Variants in HTR7 observed in about 807,000 individuals in gnomAD.
The protein encoded by HTR7 is 5-HT-7.
Under a neutral mutation model 34.0 loss-of-function variants are expected in HTR7, and 16 were observed. That is an observed-to-expected ratio of 0.47 (90% CI 0.32 to 0.71). HTR7 has a LOEUF of 0.71. Among genes scored for constraint, HTR7 ranks in the 30% least tolerant of loss-of-function variants. The probability of loss-of-function intolerance (pLI) is 0.04; values close to 1 mark genes in which losing one functional copy is unlikely to be tolerated. For missense variants in HTR7, 504 were observed against 625.5 expected (o/e 0.81, Z 2.07); for synonymous variants, 265 against 260.2 (o/e 1.02, Z -0.18).
At chr10:90,780,061 A>T (rs188897270) in intron 1 of HTR7, among the ~76,000 whole-genome samples, 2 of 152,184 alleles carry the variant, frequency 1.3e-5, no homozygotes, top group Non-Finnish European at 2.9e-5. Context: ...ACAAGCTTCT[A>T]TAAGTGTATC....
intron 1 of HTR7, among the ~76,000 whole-genome samples, chr10:90,774,049 A>G (rs1008249967): frequency 6.6e-6 from 1 of 152,120 alleles, no homozygotes; most frequent in African/African-American, 2.4e-5. Context: ...CCTTTCCATT[A>G]GCGATGATAT....
chr10:90,837,252 G>GT (rs1387095884), intron 1 of HTR7, among the ~76,000 whole-genome samples: 3 of 152,184 alleles, frequency 2.0e-5, no homozygotes, highest in African/African-American at 7.2e-5. Context: ...ACTAAAATGT[G>GT]TTTAAGTATT....
intron 1 of HTR7, among the ~76,000 whole-genome samples, chr10:90,819,815 A>G (rs976885647): frequency 8.5e-5 from 13 of 152,170 alleles, no homozygotes; most frequent in African/African-American, 3.1e-4. Context: ...GAAGTGTTTC[A>G]CAAACTAAAA....
chr10:90,791,169 G>A (rs139908874), intron 1 of HTR7, among the ~76,000 whole-genome samples: 10 of 151,766 alleles, frequency 6.6e-5, no homozygotes, highest in African/African-American at 2.4e-4. Flanking sequence ...ATAATTTCTA[G>A]GTGGGACACA....
chr10:90,795,763 T>A (rs1480558780), intron 1 of HTR7, among the ~76,000 whole-genome samples: 1 of 152,140 alleles, frequency 6.6e-6, no homozygotes, highest in Non-Finnish European at 1.5e-5. Flanking sequence ...AAGGAAGACA[T>A]AACACATCAA....
intron 1 of HTR7, among the ~76,000 whole-genome samples, chr10:90,804,310 G>A (rs2119935798): frequency 6.6e-6 from 1 of 152,272 alleles, no homozygotes; most frequent in Middle Eastern, 3.4e-3. Flanking sequence ...CACCAGACAA[G>A]AACCTGGGTA....
At position 90,742,497 on chromosome 10, in the gene HTR7, G is replaced by A. The variant is rs781053001; in HGVS notation, c.1425C>T (p.Val475=). The A allele has an allele frequency of 1.3e-6, 2 of 1,600,006 alleles. No individual in the cohort carries two copies. The highest frequency in any genetic ancestry group is 1.7e-5 in the Admixed American group (1 of 59,726). The change falls in exon 4 of 4, where the codon GTC becomes GTT. Residue 475 remains valine (V), a synonymous_variant. Transcript: ENST00000336152. ...TGTTCTGCTTTCAATCATGAATCAT[G>A]ACCTTTTTTTCTACAGTAGTCAGCA... The part of the protein sequence containing the change: ...DKMLTTVEKK[V]MIHD
Position 90,842,058 on chromosome 10 carries a change from G to A in HTR7, c.539+15075C>T, listed in dbSNP as rs201387981. ...AACAAAAAAGATCCTGTTATGGTTTGAATGTATATGTCCCTCAAAAATTCA... is the reference window on the plus strand; with the variant it reads ...AACAAAAAAGATCCTGTTATGGTTTAAATGTATATGTCCCTCAAAAATTCA... On this transcript the variant is annotated intron_variant, in intron 1 of 3. Coordinates refer to ENST00000336152, the MANE Select transcript of HTR7 (RefSeq NM_019859.4). 7.9e-5 allele frequency among the ~76,000 whole-genome samples: 12 copies of A among 152,198 alleles called. No individual in the cohort carries two copies. In the East Asian group the frequency reaches 1.7e-3, roughly 22 times the overall value.
At chr10:90,785,890 C>A (rs533051546) in intron 1 of HTR7, among the ~76,000 whole-genome samples, 12 of 152,286 alleles carry the variant, frequency 7.9e-5, no homozygotes, top group Admixed American at 7.8e-4. Context: ...CTTGGGAGAG[C>A]TGGAAAGCAG....
In HTR7 at chr10:90,749,831, C is replaced by T. The variant is rs1401336486; in HGVS notation, c.540-237G>A. Among the ~76,000 whole-genome samples the T allele has an allele frequency of 6.6e-6, 1 of 152,160 alleles. No homozygotes were observed. The highest frequency in any genetic ancestry group is 6.5e-5 in the Admixed American group (1 of 15,282). On this transcript the variant is annotated intron_variant, in intron 1 of 3. Transcript: ENST00000336152. This position sits in a 1 kb window ranked among gnomAD's most constrained non-coding sequence, Gnocchi z 4.2. ...AGAGCCCTCTGACTCTAAAGTCAGT[C>T]CATGCTTTGTGCATGCCTTATAGTT...
intron 2 of HTR7, 80 bp downstream of exon 2, chr10:90,748,759 G>A: frequency 6.9e-7 from 1 of 1,441,288 alleles, no homozygotes; most frequent in Non-Finnish European, 9.4e-7. Flanking sequence ...ACTCGTTCAG[G>A]AAGCTTTCTG....
At chr10:90,838,489 C>T (rs1846283297) in intron 1 of HTR7, among the ~76,000 whole-genome samples, 1 of 152,170 alleles carries the variant, frequency 6.6e-6, no homozygotes, top group Admixed American at 6.5e-5. Flanking sequence ...TTCATTCTCA[C>T]CCTCCTCCAT....
At chr10:90,833,739 A>G (rs1846213008) in intron 1 of HTR7, among the ~76,000 whole-genome samples, 1 of 152,230 alleles carries the variant, frequency 6.6e-6, no homozygotes, top group Non-Finnish European at 1.5e-5. Flanking sequence ...GAGACACAGG[A>G]AATGATTTAT....
At chr10:90,769,151 T>C (rs1845068898) in intron 1 of HTR7, among the ~76,000 whole-genome samples, 2 of 152,232 alleles carry the variant, frequency 1.3e-5, no homozygotes, top group South Asian at 4.1e-4. Flanking sequence ...TGTAAACATT[T>C]TACTTCTAAC....
rs1845872099 is a variant in HTR7, at chr10:90,814,713, T to C, written c.539+42420A>G. On this transcript the variant is annotated intron_variant, in intron 1 of 3. Coordinates refer to ENST00000336152, the MANE Select transcript of HTR7 (RefSeq NM_019859.4). The stretch of plus-strand genomic sequence containing the variant: ...TTATTAAGAAATTAAACGAATAAAA[T>C]AGAAACTGATGGGGTTAAAACAAAG... Among the ~76,000 whole-genome samples, 4 of 152,070 alleles carry C rather than the reference T, an allele frequency of 2.6e-5. No individual in the cohort carries two copies. In the South Asian group the frequency reaches 6.2e-4, roughly 24 times the overall value.
intron 1 of HTR7, among the ~76,000 whole-genome samples, chr10:90,807,072 G>A (rs1191525268): frequency 2.6e-5 from 4 of 152,184 alleles, no homozygotes; most frequent in African/African-American, 9.7e-5. Flanking sequence ...TTACTAAAAC[G>A]GATTGTAACA....
chr10:90,743,721 A>G (rs1017301419), intron 2 of HTR7, 31 bp from the exon 3 acceptor site: 2 of 1,490,356 alleles, frequency 1.3e-6, no homozygotes, highest in Non-Finnish European at 9.3e-7. Context: ...AAGCAAATCC[A>G]TAAGTAAATC....
chr10:90,759,342 G>T (rs1184577705), intron 1 of HTR7, among the ~76,000 whole-genome samples: 1 of 151,914 alleles, frequency 6.6e-6, no homozygotes, highest in African/African-American at 2.4e-5. Context: ...AACTAAAAAT[G>T]AATCAAAATG....
intron 2 of HTR7, among the ~76,000 whole-genome samples, chr10:90,746,402 A>G (rs1844635765): frequency 6.6e-6 from 1 of 152,216 alleles, no homozygotes; most frequent in Non-Finnish European, 1.5e-5. Context: ...GCATGCAAAT[A>G]TAGCAGTGTT....
Sources: allele counts gnomAD v4.1 joint callset (sites outside exome capture counted in the v4.1 genomes callset), GRCh38; gene constraint gnomAD v4.1.1; non-coding constraint Gnocchi (gnomAD v3.1); transcripts MANE v1.5; gene names NCBI Gene and HGNC (gene_info 2026-07-23, HGNC 2026-07-21).